TOMM70: variants seen among roughly 807,000 people sequenced by gnomAD.
The protein encoded by TOMM70 is translocase of outer mitochondrial membrane 70.
In TOMM70, 13 loss-of-function variants were observed where a neutral mutation model predicts 73.6. The observed-to-expected ratio is 0.18, with a 90% CI of 0.11 to 0.28. The LOEUF (loss-of-function observed/expected upper bound fraction) is 0.28. TOMM70 is among the 10% of genes least tolerant of loss of function. The pLI, the probability that TOMM70 is intolerant of heterozygous loss-of-function variation, is 1.00. For synonymous variants in TOMM70, 257 were observed against 271.2 expected (o/e 0.95, Z 0.51); for missense variants, 609 against 747.5 (o/e 0.81, Z 2.16).
intron 1 of TOMM70, among the ~76,000 whole-genome samples, chr3:100,390,536 C>T (rs972750475): frequency 2.0e-5 from 3 of 152,022 alleles, no homozygotes; most frequent in Non-Finnish European, 4.4e-5. Flanking sequence ...AAAAGTATAG[C>T]ATATATTGGG....
intron 1 of TOMM70, among the ~76,000 whole-genome samples, 176 bp downstream of exon 1, chr3:100,400,450 T>G (rs1706881420): frequency 6.6e-6 from 1 of 152,210 alleles, no homozygotes; most frequent in African/African-American, 2.4e-5. Flanking sequence ...CAGTAACCTG[T>G]CATCGAGCTA....
At chr3:100,398,135 G>C (rs888425101) in intron 1 of TOMM70, among the ~76,000 whole-genome samples, 1 of 152,012 alleles carries the variant, frequency 6.6e-6, no homozygotes, top group African/African-American at 2.4e-5. Context: ...GTAATTCCTA[G>C]CACTTTGGGA....
intron 2 of TOMM70, 151 bp from the exon 3 acceptor site, chr3:100,386,495 C>T (rs983488539): frequency 1.1e-6 from 1 of 938,356 alleles, no homozygotes; most frequent in African/African-American, 1.7e-5. Context: ...ATTACAAAAG[C>T]TCATATAAAT....
At position 100,365,692 on chromosome 3, in the gene TOMM70, T is replaced by C. The variant is rs771387846; in HGVS notation, c.1699A>G (p.Met567Val). The C allele has an allele frequency of 6.2e-7, 1 of 1,614,076 alleles. No individual in the cohort carries two copies. ...GCCAGGTTAATAGCTTTGTTGAACA[T>C]GTCAATGGCTTTCTCCATGTTTCCT... ...QRGNMEKAID[M>V]FNKAINLAKS... is the part of the protein sequence containing the mutation. Residue 567 changes from methionine (M) to valine (V), a missense_variant, in exon 12 of 12, where the codon ATG becomes GTG. Transcript: ENST00000284320.
rs1175420916 is a variant in TOMM70, at chr3:100,375,127, C to G, written c.1118G>C (p.Arg373Thr). The G allele has an allele frequency of 1.2e-6, 2 of 1,606,346 alleles. No homozygotes were observed. Residue 373 changes from arginine to threonine, a missense_variant, in exon 7 of 12, where the codon AGA (arginine) becomes ACA (threonine). Around this residue, in one of 2 missense-constraint regions of TOMM70, gnomAD observed 432 missense variants for 584.1 expected, o/e 0.74. Transcript: ENST00000284320. ...VKLRANALIK[R>T]GSMYMQQQQP... ...CTGCTGTTGCATGTACATGCTGCCTCTTTTGATGAGAGCATTTGCTCGAAG... is the reference window on the plus strand; with the variant it reads ...CTGCTGTTGCATGTACATGCTGCCTGTTTTGATGAGAGCATTTGCTCGAAG...
chr3:100,396,022 T>G (rs1421776523), intron 1 of TOMM70, among the ~76,000 whole-genome samples: 5 of 151,904 alleles, frequency 3.3e-5, no homozygotes, highest in Admixed American at 2.0e-4. Context: ...AGGTTTTTTT[T>G]TTTTTTTTTT....
chr3:100,382,751 T>TACA (rs1370488067), intron 4 of TOMM70, among the ~76,000 whole-genome samples: 1 of 152,170 alleles, frequency 6.6e-6, no homozygotes, highest in Non-Finnish European at 1.5e-5. Context: ...CTGCCTTCCA[T>TACA]ACAGGGTTAT....
chr3:100,398,118 C>T (rs192449681), intron 1 of TOMM70, among the ~76,000 whole-genome samples: 1 of 151,898 alleles, frequency 6.6e-6, no homozygotes, highest in Non-Finnish European at 1.5e-5. Context: ...TGAGGTGGCT[C>T]GTGCCTGTAA....
At chr3:100,394,314 T>C (rs1394091617) in intron 1 of TOMM70, among the ~76,000 whole-genome samples, 1 of 152,036 alleles carries the variant, frequency 6.6e-6, no homozygotes, top group Non-Finnish European at 1.5e-5. Context: ...CTGGAACACT[T>C]ACTGTATGAG....
chr3:100,389,812 C>T (rs553809489), intron 1 of TOMM70, among the ~76,000 whole-genome samples: 1 of 152,228 alleles, frequency 6.6e-6, no homozygotes, highest in East Asian at 1.9e-4. Flanking sequence ...GAGGCTGAGG[C>T]GGGTGGATTA....
chr3:100,392,766 G>A (rs1384479089), intron 1 of TOMM70, among the ~76,000 whole-genome samples: 1 of 152,100 alleles, frequency 6.6e-6, no homozygotes, highest in Non-Finnish European at 1.5e-5. Flanking sequence ...ACTAGAGTAG[G>A]TCTACCATTT....
At chr3:100,372,524 T>C (rs376450721) in intron 9 of TOMM70, 82 bp downstream of exon 9, 24 of 1,139,238 alleles carry the variant, frequency 2.1e-5, no homozygotes, top group East Asian at 1.7e-4. Context: ...GCTGCAACCA[T>C]GATAGCACTG....
At chr3:100,377,569 T>C in intron 6 of TOMM70, 136 bp downstream of exon 6, 2 of 699,262 alleles carry the variant, frequency 2.9e-6, no homozygotes, top group East Asian at 5.1e-5. Flanking sequence ...TACATTATTA[T>C]TAAGAGTAGT....
intron 4 of TOMM70, among the ~76,000 whole-genome samples, chr3:100,383,275 A>T (rs935194976): frequency 3.0e-4 from 46 of 152,228 alleles, no homozygotes; most frequent in African/African-American, 1.1e-3. Context: ...TAATTCTAGC[A>T]CTTTGGGAGG....
chr3:100,384,545 T>C lies in TOMM70; in HGVS notation c.669A>G (p.Gln223=). 1 of 1,610,432 alleles carries C rather than the reference T, an allele frequency of 6.2e-7. No homozygotes were observed. The change falls in exon 4 of 12, where the codon CAA becomes CAG. Residue 223 remains glutamine (Q), a synonymous_variant. Coordinates refer to ENST00000284320, the MANE Select transcript of TOMM70 (RefSeq NM_014820.5). ...VCILEGFQNQ[Q]SMLLADKVLK... ...GAACTTTATCGGCTAACAGCATGCT[T>C]TGTTGATTTTGGAACCCTTCTAATA...
At chr3:100,370,547 C>T in intron 9 of TOMM70, among the ~76,000 whole-genome samples, 1 of 152,162 alleles carries the variant, frequency 6.6e-6, no homozygotes, top group East Asian at 1.9e-4. Context: ...ATGGAAGGCA[C>T]AGTTCTGTGG....
At chr3:100,395,767 T>C (rs1261636409) in intron 1 of TOMM70, among the ~76,000 whole-genome samples, 2 of 152,188 alleles carry the variant, frequency 1.3e-5, no homozygotes, top group Non-Finnish European at 2.9e-5. Context: ...GCTATGCACC[T>C]GTATTAGGTT....
At chr3:100,370,125 C>A (rs952776007) in intron 9 of TOMM70, among the ~76,000 whole-genome samples, 1 of 151,968 alleles carries the variant, frequency 6.6e-6, no homozygotes, top group Non-Finnish European at 1.5e-5. Context: ...AGAAATGTAG[C>A]CAGCACATCT....
chr3:100,400,974 C>G lies in TOMM70; in HGVS notation c.-25G>C. 1 of 1,525,946 alleles carries G rather than the reference C, an allele frequency of 6.6e-7. No individual in the cohort carries two copies. The highest frequency in any genetic ancestry group is 8.8e-7 in the Non-Finnish European group (1 of 1,142,438). 94.5% of individuals were successfully genotyped at this position (1,525,946 alleles called of 1,614,324 possible). ...TGACAAGTGTCCTCTGCCACCGCCT[C>G]CCTGTCTGTCGCGAGCGCCACAATC... On this transcript the variant is annotated 5_prime_UTR_variant, in exon 1 of 12. Coordinates refer to ENST00000284320, the MANE Select transcript of TOMM70 (RefSeq NM_014820.5).
Sources: allele counts gnomAD v4.1 joint callset (sites outside exome capture counted in the v4.1 genomes callset), GRCh38; gene constraint gnomAD v4.1.1; regional missense constraint gnomAD v4.1.1; transcripts MANE v1.5; gene names NCBI Gene and HGNC (gene_info 2026-07-23, HGNC 2026-07-21).